The following COL4A3 variants were observed in gnomAD, a reference collection of about 807,000 sequenced individuals.
COL4A3 encodes collagen type IV alpha 3 chain.
COL4A3 carries 135 observed loss-of-function variants against 217.4 expected under a neutral mutation model. The ratio of observed to expected loss-of-function variants is 0.62; its 90% CI spans 0.54 to 0.72. COL4A3 has a LOEUF of 0.72. COL4A3 is among the 30% of genes least tolerant of loss of function. The pLI, the probability that COL4A3 is intolerant of heterozygous loss-of-function variation, is 0.00. For synonymous variants in COL4A3, 690 were observed against 736.3 expected (o/e 0.94, Z 1.02); for missense variants, 1,868 against 2,119.9 (o/e 0.88, Z 2.33).
rs116995077 is a variant in COL4A3 at position 227,225,307 on chromosome 2, C to T, written c.88-12661C>T. ...AAGAAGTCCCATCCGCCTTAATATGCGTCTCCACCTGCCAGCCTGCAGCTC... is the reference window on the plus strand; with the variant it reads ...AAGAAGTCCCATCCGCCTTAATATGTGTCTCCACCTGCCAGCCTGCAGCTC... On this transcript the variant is annotated intron_variant, in intron 1 of 51. Coordinates refer to ENST00000396578, the MANE Select transcript of COL4A3 (RefSeq NM_000091.5). Among the ~76,000 whole-genome samples the T allele has an allele frequency of 1.6e-3, 250 of 152,276 alleles. 8 individuals are homozygous for T. In the East Asian group the frequency reaches 0.045, roughly 27 times the overall value.
At chr2:227,237,412 G>C (rs2068761975) in intron 1 of COL4A3, among the ~76,000 whole-genome samples, 2 of 152,108 alleles carry the variant, frequency 1.3e-5, no homozygotes, top group South Asian at 4.1e-4. Context: ...GCCATTGAAA[G>C]TAATGGCAAA....
Position 227,269,918 on chromosome 2 carries a change from G to A in COL4A3, c.1513G>A (p.Gly505Ser). Residue 505 changes from glycine to serine, a missense_variant, in exon 24 of 52, where the codon GGC becomes AGC. Around this residue, in one of 2 missense-constraint regions of COL4A3, gnomAD observed 1,503 missense variants for 1,786.1 expected, o/e 0.84. Transcript: ENST00000396578. ...AATTCGTTGATTTGCAGGAAGACAA[G>A]GCGCAGCTGGCTTGAAAGGAAGCCC... ...HGVKGIPGRQ[G>S]AAGLKGSPGS... is the part of the protein sequence containing the mutation. 1 of 1,613,814 alleles carries A rather than the reference G, an allele frequency of 6.2e-7. No homozygotes were observed. The highest frequency in any genetic ancestry group is 8.5e-7 in the Non-Finnish European group (1 of 1,179,812).
intron 1 of COL4A3, among the ~76,000 whole-genome samples, chr2:227,229,879 T>C (rs2068299004): frequency 7.4e-6 from 1 of 134,814 alleles, no homozygotes; most frequent in South Asian, 2.2e-4. Flanking sequence ...ACACCCTGTG[T>C]CTACTAAAAA....
intron 1 of COL4A3, among the ~76,000 whole-genome samples, chr2:227,174,287 A>G (rs1212302646): frequency 6.6e-6 from 1 of 152,206 alleles, no homozygotes; most frequent in Non-Finnish European, 1.5e-5. Context: ...TTGAAAACCA[A>G]CACACCACAC....
At chr2:227,301,158 C>G (rs2073271477) in intron 43 of COL4A3, among the ~76,000 whole-genome samples, 2 of 152,190 alleles carry the variant, frequency 1.3e-5, no homozygotes, top group South Asian at 4.1e-4. Flanking sequence ...TGGAATTAAT[C>G]CCTTAATGAA....
intron 7 of COL4A3, among the ~76,000 whole-genome samples, 171 bp from the exon 8 acceptor site, chr2:227,247,387 A>G (rs993576600): frequency 3.3e-5 from 5 of 152,190 alleles, no homozygotes; most frequent in African/African-American, 1.2e-4. Flanking sequence ...CGAAGGAGAG[A>G]CAGGACAATA....
intron 1 of COL4A3, among the ~76,000 whole-genome samples, chr2:227,222,955 A>T (rs938690534): frequency 6.6e-6 from 1 of 152,222 alleles, no homozygotes; most frequent in African/African-American, 2.4e-5. Context: ...TTAATCAACC[A>T]AGTGACATCA....
In COL4A3 at chr2:227,253,881, A is replaced by AC. The variant is rs1374005468; in HGVS notation, c.766-231_766-230insC. Among the ~76,000 whole-genome samples the AC allele has an allele frequency of 8.5e-5, 13 of 152,224 alleles. No individual in the cohort carries two copies. In the East Asian group the frequency reaches 1.5e-3, roughly 18 times the overall value. The stretch of plus-strand genomic sequence containing the variant: ...AGAGTGAGACTTCATTTAAAAAAAA[A>AC]AACAACAAAAAAAAGATACTTAAAA... On this transcript the variant is annotated intron_variant, in intron 13 of 51. Transcript: ENST00000396578. The surrounding 1 kb of genome is among the most constrained non-coding windows in gnomAD (Gnocchi z 4.4).
At chr2:227,208,658 G>A (rs924175101) in intron 1 of COL4A3, among the ~76,000 whole-genome samples, 9 of 152,000 alleles carry the variant, frequency 5.9e-5, no homozygotes, top group African/African-American at 2.2e-4. Context: ...TCCGTCTCCT[G>A]CACAGCCGGC....
chr2:227,174,964 T>C (rs1164417987), intron 1 of COL4A3, among the ~76,000 whole-genome samples: 2 of 152,080 alleles, frequency 1.3e-5, no homozygotes, highest in Non-Finnish European at 2.9e-5. Context: ...AAGAGACAAA[T>C]GTGTAACATC....
intron 31 of COL4A3, among the ~76,000 whole-genome samples, chr2:227,281,226 G>T (rs1453435320): frequency 6.6e-6 from 1 of 152,186 alleles, no homozygotes; most frequent in Admixed American, 6.5e-5. Flanking sequence ...ATAGTGAGTT[G>T]CTTTGTGTCT....
In COL4A3 at chr2:227,276,418, T is replaced by C; in HGVS notation, c.1961T>C (p.Val654Ala). The stretch of plus-strand genomic sequence containing the variant: ...GGAGAGCTCAGTGTTTCAACACCAG[T>C]TCCAGGCCCACCAGGACCTCCAGGG... ...PRGELSVSTP[V>A]PGPPGPPGPP... Residue 654 changes from valine to alanine, a missense_variant, in exon 27 of 52, where the codon GTT (valine) becomes GCT (alanine). By Grantham distance (64) the Val-to-Ala change is moderately conservative. Around this residue, in one of 2 missense-constraint regions of COL4A3, gnomAD observed 1,503 missense variants for 1,786.1 expected, o/e 0.84. Transcript: ENST00000396578. 6.2e-7 allele frequency: 1 copy of C among 1,614,204 alleles called. No individual in the cohort carries two copies. Among genetic ancestry groups the C allele is most frequent in the Non-Finnish European group, 8.5e-7 (1 of 1,180,024 alleles).
Position 227,202,441 on chromosome 2 carries a change from T to G in COL4A3, c.88-35527T>G, listed in dbSNP as rs908499302. Among the ~76,000 whole-genome samples, 6 of 152,210 alleles carry G rather than the reference T, an allele frequency of 3.9e-5. 1 individual carries two copies. Among genetic ancestry groups the G allele is most frequent in the African/African-American group, 1.2e-4 (5 of 41,528 alleles). On this transcript the variant is annotated intron_variant, in intron 1 of 51. Coordinates refer to ENST00000396578, the MANE Select transcript of COL4A3 (RefSeq NM_000091.5). The stretch of plus-strand genomic sequence containing the variant: ...ACTGATAATGCTGGTATGCGGGTAT[T>G]TTTTTAAAATATATTAATACTAGCC...
At chr2:227,181,398 T>C (rs985504041) in intron 1 of COL4A3, among the ~76,000 whole-genome samples, 1 of 152,228 alleles carries the variant, frequency 6.6e-6, no homozygotes, top group African/African-American at 2.4e-5. Flanking sequence ...CTTCAGAGGA[T>C]GAATCCTTGT....
chr2:227,218,114 T>G (rs953148720), intron 1 of COL4A3, among the ~76,000 whole-genome samples: 2 of 133,312 alleles, frequency 1.5e-5, no homozygotes, highest in African/African-American at 2.5e-5. Flanking sequence ...TTATTTTAAA[T>G]TTGCCTTAAT....
intron 37 of COL4A3, among the ~76,000 whole-genome samples, chr2:227,291,876 C>T (rs1198217863): frequency 6.6e-6 from 1 of 152,088 alleles, no homozygotes; most frequent in Non-Finnish European, 1.5e-5. Flanking sequence ...TAGGTTTATT[C>T]TCTTCCCAAT....
rs77218028 is a variant in COL4A3, at chr2:227,207,733, G to A, written c.88-30235G>A. On this transcript the variant is annotated intron_variant, in intron 1 of 51. Transcript: ENST00000396578. Reference sequence around the variant, plus strand: ...ATGTGGCCAAAAGCTCTCCAGGTGAGACAGAGTTTCACAGCAGGCATACTT... The same window carrying A: ...ATGTGGCCAAAAGCTCTCCAGGTGAAACAGAGTTTCACAGCAGGCATACTT... Among the ~76,000 whole-genome samples, 316 of 152,338 alleles carry A rather than the reference G, an allele frequency of 2.1e-3. 6 individuals are homozygous for A. In the East Asian group the frequency reaches 0.051, roughly 25 times the overall value.
chr2:227,271,058 A>G (rs2125991742), intron 25 of COL4A3, 106 bp downstream of exon 25: 1 of 965,600 alleles, frequency 1.0e-6, no homozygotes, highest in African/African-American at 1.6e-5. Context: ...ACAGTTCATC[A>G]CTCTAACTGC....
intron 1 of COL4A3, among the ~76,000 whole-genome samples, chr2:227,182,504 G>T (rs927623949): frequency 4.6e-5 from 7 of 152,244 alleles, no homozygotes; most frequent in Non-Finnish European, 1.0e-4. Context: ...CCCAGCAGGG[G>T]ATATTTGTGA....
Sources: gnomAD v4.1 joint callset for allele counts (sites outside exome capture counted in the v4.1 genomes callset) on GRCh38, gnomAD v4.1.1 for gene constraint, gnomAD v4.1.1 regional missense constraint, Gnocchi (gnomAD v3.1) non-coding constraint, MANE v1.5 for transcripts, NCBI Gene and HGNC (gene_info 2026-07-23, HGNC 2026-07-21) for gene names.